The following PDE4D variants were observed in gnomAD, a reference collection of about 807,000 sequenced individuals.
The protein encoded by PDE4D is 3',5'-cyclic-AMP phosphodiesterase 4D.
Under a neutral mutation model 87.4 loss-of-function variants are expected in PDE4D, and 24 were observed. That is an observed-to-expected ratio of 0.27 (90% CI 0.20 to 0.39). PDE4D has a LOEUF of 0.39. PDE4D is among the 10% of genes least tolerant of loss of function. The pLI, the probability that PDE4D is intolerant of heterozygous loss-of-function variation, is 1.00. For synonymous variants in PDE4D, 384 were observed against 383.2 expected, an observed-to-expected ratio of 1.00 and a Z score of -0.02; for missense variants, 714 against 1,041.0, an observed-to-expected ratio of 0.69 and a Z score of 4.32.
intron 1 of PDE4D, among the ~76,000 whole-genome samples, chr5:59,607,102 C>G (rs922023278): frequency 6.6e-6 from 1 of 151,684 alleles, no homozygotes; most frequent in African/African-American, 2.4e-5. Context: ...CTTATGTCAA[C>G]AGATACGCGT....
intron 2 of PDE4D, among the ~76,000 whole-genome samples, chr5:60,010,710 T>C (rs1190009653): frequency 6.6e-6 from 1 of 152,158 alleles, no homozygotes; most frequent in African/African-American, 2.4e-5. Flanking sequence ...GCAGACTGAA[T>C]ATCTTCTACA....
At chr5:59,549,373 C>T (rs560334067) in intron 1 of PDE4D, among the ~76,000 whole-genome samples, 5 of 152,274 alleles carry the variant, frequency 3.3e-5, no homozygotes, top group African/African-American at 9.6e-5. Flanking sequence ...ATTTTCCAGG[C>T]AGTTTTACTG....
At chr5:59,972,629 A>G (rs901170450) in intron 3 of PDE4D, among the ~76,000 whole-genome samples, 6 of 152,212 alleles carry the variant, frequency 3.9e-5, no homozygotes, top group Non-Finnish European at 7.3e-5. Flanking sequence ...TACTTGCTCC[A>G]GGAAATGTTT....
intron 1 of PDE4D, among the ~76,000 whole-genome samples, chr5:59,820,835 C>G (rs1004273373): frequency 6.6e-6 from 1 of 152,182 alleles, no homozygotes; most frequent in African/African-American, 2.4e-5. Flanking sequence ...TAAGCGATAA[C>G]TACTCACAAC....
At chr5:59,596,248 TTACA>T (rs957946719) in intron 1 of PDE4D, among the ~76,000 whole-genome samples, 2 of 150,632 alleles carry the variant, frequency 1.3e-5, no homozygotes, top group Non-Finnish European at 3.0e-5. Flanking sequence ...CATATGTATA[TTACA>T]TATATATATA....
intron 1 of PDE4D, among the ~76,000 whole-genome samples, chr5:59,661,074 T>TTATATATATATATATATATATATATATA (rs3062479): frequency 8.6e-5 from 12 of 140,068 alleles, no homozygotes; most frequent in African/African-American, 3.2e-4. Context: ...CATGATAATA[T>TTATATATATATATATATATATATATATA]TATATATATA....
intron 1 of PDE4D, among the ~76,000 whole-genome samples, chr5:59,333,079 A>G (rs1777023677): frequency 6.6e-6 from 1 of 152,200 alleles, no homozygotes; most frequent in African/African-American, 2.4e-5. Context: ...CTGATATACC[A>G]AGCATATCTG....
intron 3 of PDE4D, among the ~76,000 whole-genome samples, chr5:59,962,765 A>G (rs546180355): frequency 3.9e-5 from 6 of 152,322 alleles, no homozygotes; most frequent in African/African-American, 1.4e-4. Context: ...GCAGTTAATA[A>G]AATGTTATGA....
At chr5:59,317,861 C>T (rs1027555510) in intron 1 of PDE4D, among the ~76,000 whole-genome samples, 7 of 152,166 alleles carry the variant, frequency 4.6e-5, no homozygotes, top group Admixed American at 4.6e-4. Flanking sequence ...ACTATTCATT[C>T]TACCTTCAGA....
At chr5:59,717,225 G>A (rs1203632895) in intron 1 of PDE4D, among the ~76,000 whole-genome samples, 2 of 152,096 alleles carry the variant, frequency 1.3e-5, no homozygotes, top group African/African-American at 4.8e-5. Context: ...CATTTACCAT[G>A]ACCATCAGGC....
chr5:60,515,349 G>C (rs1404269484), intron 1 of PDE4D, among the ~76,000 whole-genome samples: 1 of 152,068 alleles, frequency 6.6e-6, no homozygotes, highest in Non-Finnish European at 1.5e-5. Context: ...TTTTATGGGA[G>C]AACTGATGTC....
intron 1 of PDE4D, among the ~76,000 whole-genome samples, chr5:59,656,449 T>G (rs1358525486): frequency 6.6e-6 from 1 of 152,212 alleles, no homozygotes; most frequent in Non-Finnish European, 1.5e-5. Flanking sequence ...GGAGTCAAGA[T>G]ATGCTTTCAA....
At chr5:59,693,911 A>G (rs1751358719) in intron 1 of PDE4D, among the ~76,000 whole-genome samples, 1 of 152,178 alleles carries the variant, frequency 6.6e-6, no homozygotes, top group Non-Finnish European at 1.5e-5. Context: ...GATCAGTTCT[A>G]AGAGAGAAAA....
chr5:60,090,126 C>CA (rs1774976317), intron 2 of PDE4D, among the ~76,000 whole-genome samples: 1 of 152,018 alleles, frequency 6.6e-6, no homozygotes, highest in Non-Finnish European at 1.5e-5. Flanking sequence ...TAAACTGTTT[C>CA]AAAAAAATTG....
intron 5 of PDE4D, among the ~76,000 whole-genome samples, chr5:59,115,742 A>G (rs771306232): frequency 6.6e-6 from 1 of 152,172 alleles, no homozygotes; most frequent in East Asian, 1.9e-4. Flanking sequence ...TTGAGGTATA[A>G]TAGATATCAT....
intron 1 of PDE4D, among the ~76,000 whole-genome samples, chr5:59,651,582 TTAATAA>T (rs989343935): frequency 2.4e-4 from 37 of 152,078 alleles, no homozygotes; most frequent in Non-Finnish European, 1.5e-4. Flanking sequence ...GTGGAAAATA[TTAATAA>T]TTATAATTGT....
At chr5:59,692,846 T>C (rs191385873) in intron 1 of PDE4D, among the ~76,000 whole-genome samples, 6 of 152,272 alleles carry the variant, frequency 3.9e-5, no homozygotes, top group Admixed American at 2.6e-4. Context: ...TAATTTCTCT[T>C]CCTCACTTTT....
intron 5 of PDE4D, among the ~76,000 whole-genome samples, chr5:59,130,057 C>T (rs1303075818): frequency 6.6e-6 from 1 of 151,930 alleles, no homozygotes; most frequent in African/African-American, 2.4e-5. Flanking sequence ...ATAGTATTTC[C>T]CCCCTTATAA....
chr5:60,469,396 T>G lies in PDE4D; in HGVS notation c.-90+18546A>C, dbSNP rs528412644. ...GCAACATTCTCCAACACTCAGCTTTTTCTTCTACAGCTTCTCTCTTAGTGA... is the reference window on the plus strand; with the variant it reads ...GCAACATTCTCCAACACTCAGCTTTGTCTTCTACAGCTTCTCTCTTAGTGA... On this transcript the variant is annotated intron_variant, in intron 1 of 16. Coordinates refer to the PDE4D transcript ENST00000502484. Among the ~76,000 whole-genome samples, 4 of 152,298 alleles carry G rather than the reference T, an allele frequency of 2.6e-5. No individual in the cohort carries two copies. The South Asian group carries it at 8.3e-4, about 32-fold the overall frequency.
Sources: allele counts gnomAD v4.1 joint callset (sites outside exome capture counted in the v4.1 genomes callset), GRCh38; gene constraint gnomAD v4.1.1; transcripts MANE v1.5; gene names NCBI Gene and HGNC (gene_info 2026-07-23, HGNC 2026-07-21).